TENM3: variants seen among roughly 807,000 people sequenced by gnomAD.
The protein encoded by TENM3 is teneurin transmembrane protein 3.
In TENM3, 63 loss-of-function variants were observed where a neutral mutation model predicts 255.1. The ratio of observed to expected loss-of-function variants is 0.25; its 90% CI spans 0.20 to 0.30. TENM3 has a LOEUF of 0.30. Among genes scored for constraint, TENM3 ranks in the 10% least tolerant of loss-of-function variants. The pLI is 1.00. For missense variants in TENM3, 2,929 were observed against 3,461.1 expected (o/e 0.85, Z 3.86); for synonymous variants, 1,306 against 1,322.3 (o/e 0.99, Z 0.27).
the TENM3 span, among the ~76,000 whole-genome samples, chr4:181,882,943 A>C: frequency 6.6e-6 from 1 of 152,124 alleles, no homozygotes; most frequent in Non-Finnish European, 1.5e-5. Flanking sequence ...CAAAACAACC[A>C]CCATTGTCAA....
intron 1 of TENM3, among the ~76,000 whole-genome samples, chr4:182,290,480 C>T (rs1009145101): frequency 2.0e-4 from 31 of 152,178 alleles, no homozygotes; most frequent in Admixed American, 1.7e-3. Context: ...AATGGCTTTA[C>T]GTCCCTAAAA....
At chr4:181,876,148 G>C in the TENM3 span, among the ~76,000 whole-genome samples, 1 of 152,152 alleles carries the variant, frequency 6.6e-6, no homozygotes, top group Non-Finnish European at 1.5e-5. Context: ...AATGCAGACT[G>C]ACAACTTGAA....
chr4:181,904,867 G>A, the TENM3 span, among the ~76,000 whole-genome samples: 5 of 152,286 alleles, frequency 3.3e-5, no homozygotes, highest in South Asian at 8.3e-4. Context: ...CATGGAGGGG[G>A]TGGGTCTTTT....
chr4:181,939,188 T>A, the TENM3 span, among the ~76,000 whole-genome samples: 1 of 152,180 alleles, frequency 6.6e-6, no homozygotes, highest in Non-Finnish European at 1.5e-5. Context: ...CTCTCCTTAT[T>A]ATTATTGTTC....
the TENM3 span, among the ~76,000 whole-genome samples, chr4:181,934,080 G>A: frequency 7.2e-5 from 11 of 151,764 alleles, no homozygotes; most frequent in South Asian, 2.1e-4. Context: ...GTGTGTGCGC[G>A]CGCTTTTAAA....
the TENM3 span, among the ~76,000 whole-genome samples, chr4:181,885,366 G>T: frequency 1.0e-3 from 154 of 152,260 alleles, 2 homozygotes; most frequent in South Asian, 0.031. Context: ...GGGTTCAAGT[G>T]ATTCTCCTGC....
intron 3 of TENM3, among the ~76,000 whole-genome samples, chr4:182,421,685 A>G (rs1397005501): frequency 1.3e-5 from 2 of 152,214 alleles, no homozygotes; most frequent in Non-Finnish European, 2.9e-5. Context: ...GATCAGATCT[A>G]TTTTTATATG....
chr4:182,213,916 C>T (rs1191446236), intron 1 of TENM3, among the ~76,000 whole-genome samples: 1 of 152,102 alleles, frequency 6.6e-6, no homozygotes, highest in Non-Finnish European at 1.5e-5. Flanking sequence ...ATTCTCCTGC[C>T]TCAGCCTCCC....
At chr4:182,178,198 A>G (rs139618649) in intron 1 of TENM3, among the ~76,000 whole-genome samples, 115 of 152,304 alleles carry the variant, frequency 7.6e-4, no homozygotes, top group African/African-American at 2.6e-3. Context: ...TATGCCTTTA[A>G]TAACACCAAA....
the TENM3 span, among the ~76,000 whole-genome samples, chr4:181,674,267 G>A: frequency 3.3e-5 from 5 of 152,146 alleles, no homozygotes; most frequent in Non-Finnish European, 7.4e-5. Context: ...CAAAGTGCTG[G>A]GATTGCAGGC....
chr4:181,952,566 CA>C, the TENM3 span, among the ~76,000 whole-genome samples: 1 of 152,184 alleles, frequency 6.6e-6, no homozygotes, highest in Non-Finnish European at 1.5e-5. Context: ...AGAAAGAAGA[CA>C]ATTCATTAGG....
the TENM3 span, among the ~76,000 whole-genome samples, chr4:181,507,968 G>T: frequency 5.3e-5 from 8 of 152,180 alleles, no homozygotes; most frequent in African/African-American, 1.9e-4. Context: ...ATTGAAGAAA[G>T]AAATAGATCT....
At chr4:181,716,657 T>G in the TENM3 span, among the ~76,000 whole-genome samples, 14 of 152,296 alleles carry the variant, frequency 9.2e-5, 1 homozygote, top group South Asian at 2.9e-3. Flanking sequence ...AGAGTCTACA[T>G]CAAAAGGCTT....
chr4:182,701,538 G>A (rs546034566), intron 12 of TENM3, among the ~76,000 whole-genome samples: 1 of 151,972 alleles, frequency 6.6e-6, no homozygotes, highest in African/African-American at 2.4e-5. Context: ...TGACTTTTAA[G>A]ATGAGTCCCC....
chr4:181,484,545 A>G, the TENM3 span, among the ~76,000 whole-genome samples: 13 of 152,304 alleles, frequency 8.5e-5, no homozygotes, highest in Admixed American at 5.2e-4. Context: ...AATTCAATCT[A>G]AATTTACTGC....
intron 1 of TENM3, among the ~76,000 whole-genome samples, chr4:182,167,112 C>T (rs542101354): frequency 6.6e-6 from 1 of 152,270 alleles, no homozygotes; most frequent in Admixed American, 6.5e-5. Flanking sequence ...TTATGTAAAA[C>T]CACTAAGATA....
At chr4:181,914,028 T>C in the TENM3 span, among the ~76,000 whole-genome samples, 2 of 152,222 alleles carry the variant, frequency 1.3e-5, no homozygotes, top group Non-Finnish European at 2.9e-5. Context: ...CGATCACCTC[T>C]CAACTGCACT....
chr4:181,945,167 T>C, the TENM3 span, among the ~76,000 whole-genome samples: 1 of 152,008 alleles, frequency 6.6e-6, no homozygotes, highest in South Asian at 2.1e-4. Context: ...ATAAGCAATG[T>C]AGGGCTTTGG....
the TENM3 span, among the ~76,000 whole-genome samples, chr4:181,914,854 A>G: frequency 9.2e-5 from 14 of 152,188 alleles, no homozygotes. Context: ...CCATAAGTGA[A>G]TTGACAGTCA....
Sources: gnomAD v4.1 joint callset for allele counts (sites outside exome capture counted in the v4.1 genomes callset) on GRCh38, gnomAD v4.1.1 for gene constraint, MANE v1.5 for transcripts, NCBI Gene and HGNC (gene_info 2026-07-23, HGNC 2026-07-21) for gene names.